The following MAML3 variants were observed in gnomAD, a reference collection of about 807,000 sequenced individuals.
MAML3 encodes mastermind like transcriptional coactivator 3, also known as mastermind-like protein 3.
In MAML3, 27 loss-of-function variants were observed where a neutral mutation model predicts 101.9. The ratio of observed to expected loss-of-function variants is 0.27; its 90% CI spans 0.20 to 0.37. MAML3 has a LOEUF of 0.37. Among genes scored for constraint, MAML3 ranks in the 10% least tolerant of loss-of-function variants. The pLI is 1.00. For synonymous variants in MAML3, 501 were observed against 555.9 expected (o/e 0.90, Z 1.39); for missense variants, 1,316 against 1,444.9 (o/e 0.91, Z 1.45).
intron 1 of MAML3, among the ~76,000 whole-genome samples, chr4:140,150,961 C>T (rs1729151988): frequency 7.1e-6 from 1 of 140,082 alleles, no homozygotes; most frequent in African/African-American, 2.6e-5. Flanking sequence ...TCTTCGCGCT[C>T]GGGGCAGGCT....
At chr4:140,075,820 G>C (rs1467869792) in intron 1 of MAML3, among the ~76,000 whole-genome samples, 1 of 152,050 alleles carries the variant, frequency 6.6e-6, no homozygotes, top group African/African-American at 2.4e-5. Context: ...GAGTGCAGTG[G>C]TATGATCTTG....
chr4:140,056,034 G>C (rs949870667), intron 1 of MAML3, among the ~76,000 whole-genome samples: 1 of 152,206 alleles, frequency 6.6e-6, no homozygotes, highest in Non-Finnish European at 1.5e-5. Flanking sequence ...GCAGCAACAG[G>C]GGTGTGTGGC....
At chr4:139,983,815 G>C (rs1734487057) in intron 1 of MAML3, among the ~76,000 whole-genome samples, 1 of 152,176 alleles carries the variant, frequency 6.6e-6, no homozygotes, top group Admixed American at 6.5e-5. Context: ...GGGCAGTGGA[G>C]TATCACTTGA....
intron 1 of MAML3, among the ~76,000 whole-genome samples, chr4:140,055,239 A>T (rs914511967): frequency 7.2e-5 from 11 of 151,732 alleles, no homozygotes; most frequent in African/African-American, 2.7e-4. Context: ...CACAGATAAT[A>T]AAAAAAAACC....
intron 1 of MAML3, among the ~76,000 whole-genome samples, chr4:140,110,630 ATTAAAT>A (rs1445857471): frequency 6.6e-6 from 1 of 152,212 alleles, no homozygotes; most frequent in Non-Finnish European, 1.5e-5. Flanking sequence ...GGAAAGAGTA[ATTAAAT>A]TTAAAGGCAA....
intron 1 of MAML3, among the ~76,000 whole-genome samples, chr4:139,893,055 T>G (rs951049020): frequency 6.6e-6 from 1 of 151,936 alleles, no homozygotes. Flanking sequence ...TCCCTTACCC[T>G]ACATTTTCCA....
chr4:139,944,305 A>G (rs548583314), intron 1 of MAML3, among the ~76,000 whole-genome samples: 34 of 152,102 alleles, frequency 2.2e-4, no homozygotes, highest in Admixed American at 3.9e-4. Context: ...CATTAGGTAT[A>G]TCTCCCAATG....
At chr4:139,893,066 T>C (rs1003949482) in intron 1 of MAML3, among the ~76,000 whole-genome samples, 3 of 152,056 alleles carry the variant, frequency 2.0e-5, no homozygotes, top group African/African-American at 7.2e-5. Flanking sequence ...ACATTTTCCA[T>C]AAACTCTCTT....
intron 1 of MAML3, among the ~76,000 whole-genome samples, chr4:139,920,968 C>T (rs929493875): frequency 6.6e-6 from 1 of 152,218 alleles, no homozygotes; most frequent in African/African-American, 2.4e-5. Flanking sequence ...CTTTGCTCCA[C>T]TCACACCAAC....
chr4:140,069,708 G>A (rs1208392977), intron 1 of MAML3, among the ~76,000 whole-genome samples: 1 of 151,652 alleles, frequency 6.6e-6, no homozygotes, highest in Non-Finnish European at 1.5e-5. Flanking sequence ...GAAGAAGGAG[G>A]AAGAAAGAAG....
chr4:139,861,872 A>G (rs2111166170), intron 2 of MAML3, among the ~76,000 whole-genome samples: 2 of 152,274 alleles, frequency 1.3e-5, no homozygotes, highest in South Asian at 4.1e-4. Context: ...GCCAGTGGTT[A>G]CCAAACTCAT....
chr4:140,142,779 C>T (rs914401307), intron 1 of MAML3, among the ~76,000 whole-genome samples: 8 of 152,162 alleles, frequency 5.3e-5, no homozygotes, highest in African/African-American at 1.4e-4. Flanking sequence ...CCTGTGACAT[C>T]GTTTCAAGAC....
At chr4:139,903,755 A>G (rs1168661789) in intron 1 of MAML3, among the ~76,000 whole-genome samples, 1 of 152,238 alleles carries the variant, frequency 6.6e-6, no homozygotes, top group Non-Finnish European at 1.5e-5. Flanking sequence ...TGCTATAACA[A>G]AATACCTGAG....
chr4:140,002,492 A>C (rs767098536), intron 1 of MAML3, among the ~76,000 whole-genome samples: 1 of 152,234 alleles, frequency 6.6e-6, no homozygotes, highest in Non-Finnish European at 1.5e-5. Flanking sequence ...AAACAGTAAG[A>C]CTGGTCAACT....
intron 1 of MAML3, among the ~76,000 whole-genome samples, chr4:140,104,349 AAC>A (rs1168290692): frequency 1.8e-4 from 6 of 33,722 alleles, no homozygotes; most frequent in Admixed American, 9.3e-4. Context: ...TCAAAAAAAA[AAC>A]CAAACCTATT....
chr4:140,008,508 C>A (rs1433561274), intron 1 of MAML3, among the ~76,000 whole-genome samples: 2 of 152,204 alleles, frequency 1.3e-5, no homozygotes. Flanking sequence ...GCCTATCATT[C>A]CCTTTTGACA....
At chr4:140,084,186 C>T (rs1250962145) in intron 1 of MAML3, among the ~76,000 whole-genome samples, 1 of 152,134 alleles carries the variant, frequency 6.6e-6, no homozygotes, top group African/African-American at 2.4e-5. Flanking sequence ...GTGAGAGAAA[C>T]TTTATCAAAC....
intron 1 of MAML3, among the ~76,000 whole-genome samples, chr4:140,151,862 C>G (rs71606875): frequency 6.6e-6 from 1 of 152,214 alleles, no homozygotes; most frequent in South Asian, 2.1e-4. Flanking sequence ...CATCCTACCT[C>G]GAACCCGCCC....
intron 2 of MAML3, among the ~76,000 whole-genome samples, chr4:139,787,558 C>G (rs901220750): frequency 6.6e-6 from 1 of 152,156 alleles, no homozygotes; most frequent in African/African-American, 2.4e-5. Flanking sequence ...TTTAATATCT[C>G]CTGTGATAAC....
Sources: gnomAD v4.1 joint callset for allele counts (sites outside exome capture counted in the v4.1 genomes callset) on GRCh38, gnomAD v4.1.1 for gene constraint, MANE v1.5 for transcripts, NCBI Gene and HGNC (gene_info 2026-07-23, HGNC 2026-07-21) for gene names.